Variants in ECPAS observed in about 807,000 individuals in gnomAD.
ECPAS encodes proteasome adapter and scaffold protein ECM29.
In ECPAS, 70 loss-of-function variants were observed where a neutral mutation model predicts 255.1. That is an observed-to-expected ratio of 0.27 (90% CI 0.23 to 0.33). The LOEUF (loss-of-function observed/expected upper bound fraction) is 0.33. ECPAS is among the 10% of genes least tolerant of loss of function. The pLI is 1.00. For synonymous variants in ECPAS, 784 were observed against 775.0 expected (o/e 1.01, Z -0.19); for missense variants, 1,817 against 2,206.4 (o/e 0.82, Z 3.54).
At chr9:111,476,882 T>G (rs2098296885) in intron 1 of ECPAS, among the ~76,000 whole-genome samples, 1 of 152,114 alleles carries the variant, frequency 6.6e-6, no homozygotes. Context: ...AGGCTAGTCT[T>G]GAACTCCTGA....
intron 42 of ECPAS, 150 bp from the exon 43 acceptor site, chr9:111,371,979 T>C: frequency 1.5e-6 from 1 of 664,308 alleles, no homozygotes; most frequent in Non-Finnish European, 2.5e-6. Flanking sequence ...AGAAAGTGTG[T>C]TGGTGTTGTG....
chr9:111,441,470 A>G (rs1336931835), intron 5 of ECPAS, among the ~76,000 whole-genome samples: 1 of 152,048 alleles, frequency 6.6e-6, no homozygotes, highest in Non-Finnish European at 1.5e-5. Flanking sequence ...GCGCCATTGC[A>G]CTCCAGCCTC....
chr9:111,465,252 C>A (rs2098278030), intron 2 of ECPAS, among the ~76,000 whole-genome samples: 2 of 150,322 alleles, frequency 1.3e-5, no homozygotes, highest in Admixed American at 1.3e-4. Context: ...TAAGATTACT[C>A]TCCAAGGCCG....
At chr9:111,474,377 A>G (rs2132096756) in intron 1 of ECPAS, among the ~76,000 whole-genome samples, 1 of 152,208 alleles carries the variant, frequency 6.6e-6, no homozygotes, top group East Asian at 1.9e-4. Flanking sequence ...GTCAGCCAAC[A>G]ATTTCTCCCT....
chr9:111,392,906 G>A lies in ECPAS; in HGVS notation c.2978-24C>T, dbSNP rs747592483. 4 of 1,543,734 alleles carry A rather than the reference G, an allele frequency of 2.6e-6. No homozygotes were observed. The South Asian group carries it at 4.8e-5, about 18-fold the overall frequency. On this transcript the variant is annotated intron_variant, in intron 27 of 49. Transcript: ENST00000684092. ...TTCTACAAGAAAGTCAGACAAGATTGTATCACTTTAAAAAAAATTTTGTCT... is the reference window on the plus strand; with the variant it reads ...TTCTACAAGAAAGTCAGACAAGATTATATCACTTTAAAAAAAATTTTGTCT...
intron 24 of ECPAS, among the ~76,000 whole-genome samples, chr9:111,404,887 T>C (rs2098181731): frequency 1.6e-5 from 2 of 124,262 alleles, no homozygotes; most frequent in South Asian, 5.0e-4. Flanking sequence ...CTGAAAACTA[T>C]AAAACATTGA....
Position 111,412,168 on chromosome 9 carries a change from A to G in ECPAS, c.2080-20T>C. On this transcript the variant is annotated intron_variant, in intron 20 of 49. Transcript: ENST00000684092. ...CAGACTCTGAGCAGTATAAAAAAAA[A>G]ACAAATATATACATGACACAGAACC... is the stretch of plus-strand genomic sequence containing the variant. 6.5e-7 allele frequency: 1 copy of G among 1,548,140 alleles called. No individual in the cohort carries two copies. Among genetic ancestry groups the G allele is most frequent in the Non-Finnish European group, 8.6e-7 (1 of 1,159,266 alleles).
intron 46 of ECPAS, among the ~76,000 whole-genome samples, chr9:111,367,978 G>T (rs754235843): frequency 3.5e-4 from 52 of 150,504 alleles, no homozygotes; most frequent in Non-Finnish European, 5.8e-4. Flanking sequence ...GGAGGTAAAG[G>T]CTGCAAGAAC....
At position 111,383,250 on chromosome 9, in the gene ECPAS, T is replaced by C. The variant is rs375621594; in HGVS notation, c.3764A>G (p.Lys1255Arg). Residue 1255 changes from lysine to arginine, a missense_variant, in exon 35 of 50, where the codon AAA (lysine) becomes AGA (arginine). Lys to Arg is a conservative substitution (Grantham distance 26). This residue lies in a region of ECPAS where 960 missense variants were observed against 1,179.0 expected (regional missense o/e 0.81). Coordinates refer to ENST00000684092, the MANE Select transcript of ECPAS (RefSeq NM_001364929.1). ...IAALLPCLLD[K>R]GMMSTVTEVR... ...TTCCGTCACGGTGCTCATCATTCCT[T>C]TGTCCAGAAGGCAAGGCAGAAGGGC... The C allele has an allele frequency of 1.9e-6, 3 of 1,613,702 alleles. No individual in the cohort carries two copies. The highest frequency in any genetic ancestry group is 2.5e-6 in the Non-Finnish European group (3 of 1,179,834).
At chr9:111,376,413 CTT>C in intron 37 of ECPAS, 61 bp downstream of exon 37, 9 of 1,330,890 alleles carry the variant, frequency 6.8e-6, no homozygotes, top group Non-Finnish European at 9.5e-6. Context: ...AGCCTGAAGA[CTT>C]TGAAGAATTA....
At chr9:111,452,726 TAGAC>T (rs377414404) in intron 2 of ECPAS, among the ~76,000 whole-genome samples, 16 of 152,266 alleles carry the variant, frequency 1.1e-4, no homozygotes, top group African/African-American at 2.9e-4. Flanking sequence ...GATACATGGA[TAGAC>T]AGACAGACAG....
At chr9:111,480,292 C>CT (rs398011866) in intron 1 of ECPAS, among the ~76,000 whole-genome samples, 4,953 of 63,792 alleles carry the variant, frequency 0.078, 321 homozygotes, top group East Asian at 0.12. Flanking sequence ...AGCACCTTTT[C>CT]TTTTTTTTTT....
chr9:111,407,717 T>A (rs1278505770), intron 24 of ECPAS, among the ~76,000 whole-genome samples: 1 of 152,142 alleles, frequency 6.6e-6, no homozygotes, highest in Non-Finnish European at 1.5e-5. Flanking sequence ...TAACTCTTCC[T>A]GATAGAATTA....
At chr9:111,418,806 C>T (rs1379701151) in intron 16 of ECPAS, among the ~76,000 whole-genome samples, 1 of 152,184 alleles carries the variant, frequency 6.6e-6, no homozygotes, top group East Asian at 1.9e-4. Flanking sequence ...CTTGCTCTAA[C>T]ATGAACTGAC....
At chr9:111,471,925 A>G (rs2098288749) in intron 2 of ECPAS, among the ~76,000 whole-genome samples, 1 of 151,694 alleles carries the variant, frequency 6.6e-6, no homozygotes, top group African/African-American at 2.4e-5. Flanking sequence ...TAACACACAG[A>G]GACTCTGTCT....
Position 111,458,998 on chromosome 9 carries a change from G to T in ECPAS, c.23-7443C>A, listed in dbSNP as rs376770774. 2.9e-4 allele frequency among the ~76,000 whole-genome samples: 44 copies of T among 152,232 alleles called. 1 individual carries two copies. In the East Asian group the frequency reaches 7.5e-3, roughly 26 times the overall value. ...GGGGTCCATGGAGACCCCCAAATCT[G>T]TATCCAATAGGTCAAAAGTGAGGGT... On this transcript the variant is annotated intron_variant, in intron 2 of 49. Transcript: ENST00000684092.
In ECPAS at chr9:111,394,266, A is replaced by G. The variant is rs1314775806; in HGVS notation, c.2816T>C (p.Val939Ala). Residue 939 changes from valine (V) to alanine (A), a missense_variant, in exon 26 of 50, where the codon GTG (valine) becomes GCG (alanine). Val to Ala is a moderately conservative substitution (Grantham distance 64). Coordinates refer to ENST00000684092, the MANE Select transcript of ECPAS (RefSeq NM_001364929.1). Reference sequence around the variant, plus strand: ...GCTGATGATATGTTTATTTAAAATCACATCCAACACCCATGGAACCACATC... The same window carrying G: ...GCTGATGATATGTTTATTTAAAATCGCATCCAACACCCATGGAACCACATC... ...VNDVVPWVLDVILNKHIISPN... is the reference protein window; with the variant it reads ...VNDVVPWVLDAILNKHIISPN... The G allele has an allele frequency of 6.2e-7, 1 of 1,600,252 alleles. No individual in the cohort carries two copies. The highest frequency in any genetic ancestry group is 8.5e-7 in the Non-Finnish European group (1 of 1,173,210).
At chr9:111,436,670 T>TA (rs1356148033) in intron 7 of ECPAS, among the ~76,000 whole-genome samples, 3 of 152,192 alleles carry the variant, frequency 2.0e-5, no homozygotes, top group African/African-American at 7.2e-5. Flanking sequence ...TGACAAAAGT[T>TA]AAACATATTC....
chr9:111,378,659 G>A lies in ECPAS; in HGVS notation c.3875C>T (p.Pro1292Leu). The A allele has an allele frequency of 1.2e-6, 2 of 1,613,808 alleles. No individual in the cohort carries two copies. The highest frequency in any genetic ancestry group is 1.7e-6 in the Non-Finnish European group (2 of 1,179,750). The change falls in exon 36 of 50, where the codon CCA becomes CTA. Residue 1292 changes from proline (P) to leucine (L), a missense_variant. Transcript: ENST00000684092. ...TACACTTAAGGACTCTAGCAGAGCT[G>A]GAATGAGTTTTGGTGCATGCGGTTT... is the stretch of plus-strand genomic sequence containing the variant. Reference protein sequence around the residue: ...MLKPHAPKLIPALLESLSVLE... With the variant: ...MLKPHAPKLILALLESLSVLE...
Sources: gnomAD v4.1 joint callset for allele counts (sites outside exome capture counted in the v4.1 genomes callset) on GRCh38, gnomAD v4.1.1 for gene constraint, gnomAD v4.1.1 regional missense constraint, MANE v1.5 for transcripts, NCBI Gene and HGNC (gene_info 2026-07-23, HGNC 2026-07-21) for gene names.